AGMO: variants seen among roughly 807,000 people sequenced by gnomAD.
AGMO encodes alkylglycerol monooxygenase.
Under a neutral mutation model 60.2 loss-of-function variants are expected in AGMO, and 75 were observed. The observed-to-expected ratio is 1.25, with a 90% CI of 1.03 to 1.51. AGMO has a LOEUF of 1.51. Among genes scored for constraint, AGMO ranks in the 40% most tolerant of loss-of-function variants. The pLI is 0.00. For missense variants in AGMO, 763 were observed against 525.5 expected (o/e 1.45, Z -4.42); for synonymous variants, 261 against 177.1 (o/e 1.47, Z -3.76).
intron 3 of AGMO, among the ~76,000 whole-genome samples, chr7:15,434,851 C>A (rs1562505661): frequency 6.6e-6 from 1 of 151,654 alleles, no homozygotes; most frequent in East Asian, 1.9e-4. Context: ...CGTCAAAAAT[C>A]CCTCACTCCC....
At chr7:15,538,005 T>G (rs1429746798) in intron 3 of AGMO, among the ~76,000 whole-genome samples, 1 of 152,042 alleles carries the variant, frequency 6.6e-6, no homozygotes, top group Non-Finnish European at 1.5e-5. Flanking sequence ...ATGGTTAACA[T>G]AGGTGCCATA....
chr7:15,559,169 A>T (rs1785234638), intron 2 of AGMO, among the ~76,000 whole-genome samples: 1 of 152,148 alleles, frequency 6.6e-6, no homozygotes, highest in Non-Finnish European at 1.5e-5. Flanking sequence ...TATCATCAAC[A>T]TAATGTTACA....
rs958818476 is a variant in AGMO, at chr7:15,433,365, G to T, written c.410-2257C>A. Among the ~76,000 whole-genome samples the T allele has an allele frequency of 9.0e-4, 137 of 152,144 alleles. 1 individual carries two copies. The highest frequency in any genetic ancestry group is 3.2e-3 in the African/African-American group (135 of 41,546). ...TGTAACACAAGCCTCATTCAATGAG[G>T]TACAGCTGTGCAAACAGGGCACAGT... On this transcript the variant is annotated intron_variant, in intron 3 of 12. Coordinates refer to ENST00000342526, the MANE Select transcript of AGMO (RefSeq NM_001004320.2).
chr7:15,248,112 G>A (rs2128505361), intron 12 of AGMO, among the ~76,000 whole-genome samples: 1 of 138,506 alleles, frequency 7.2e-6, no homozygotes, highest in African/African-American at 2.7e-5. Context: ...AAAATCATTA[G>A]CTGTTGTGGT....
At chr7:15,286,145 C>G (rs1056443012) in intron 12 of AGMO, among the ~76,000 whole-genome samples, 1 of 151,980 alleles carries the variant, frequency 6.6e-6, no homozygotes, top group African/African-American at 2.4e-5. Context: ...TAGAAAAAAG[C>G]TCTTTTGGAC....
At chr7:15,167,451 G>A in the AGMO span, among the ~76,000 whole-genome samples, 7 of 152,254 alleles carry the variant, frequency 4.6e-5, no homozygotes, top group Non-Finnish European at 8.8e-5. Flanking sequence ...TGCAAGAGAC[G>A]CTAAAGAGTA....
intron 12 of AGMO, among the ~76,000 whole-genome samples, chr7:15,335,977 C>T (rs557826468): frequency 1.6e-4 from 25 of 152,228 alleles, no homozygotes; most frequent in Admixed American, 9.8e-4. Flanking sequence ...ATGAGAAACA[C>T]ATCATAGTAA....
chr7:15,397,446 G>GC (rs1333361045), intron 5 of AGMO, among the ~76,000 whole-genome samples: 4 of 152,204 alleles, frequency 2.6e-5, no homozygotes, highest in East Asian at 1.9e-4. Context: ...CCCACAGAGG[G>GC]CCCCCCACAG....
At chr7:15,218,729 G>A (rs1219784013) in intron 12 of AGMO, among the ~76,000 whole-genome samples, 1 of 152,090 alleles carries the variant, frequency 6.6e-6, no homozygotes. Flanking sequence ...TGATATTCCT[G>A]CTGGCCTGAG....
the AGMO span, among the ~76,000 whole-genome samples, chr7:15,172,938 A>T: frequency 3.9e-5 from 6 of 152,144 alleles, no homozygotes; most frequent in Admixed American, 1.3e-4. Context: ...AGGCACAAAT[A>T]ACTTAGTTGG....
chr7:15,289,283 T>TTC (rs35641588), intron 12 of AGMO, among the ~76,000 whole-genome samples: 117,183 of 149,358 alleles, frequency 0.78, 45,371 homozygotes, highest in Middle Eastern at 0.86. Flanking sequence ...AGAATGTTAA[T>TTC]TGTTTCTTTA....
At chr7:15,490,889 G>A (rs1231810403) in intron 3 of AGMO, among the ~76,000 whole-genome samples, 1 of 152,120 alleles carries the variant, frequency 6.6e-6, no homozygotes, top group African/African-American at 2.4e-5. Context: ...GTTATACAAT[G>A]CTTGAAAGCA....
intron 12 of AGMO, among the ~76,000 whole-genome samples, chr7:15,333,995 C>T (rs1781575659): frequency 6.6e-6 from 1 of 151,994 alleles, no homozygotes; most frequent in South Asian, 2.1e-4. Context: ...GTGAAGGAAG[C>T]AATTCAACAA....
At chr7:15,506,422 C>T (rs1262368634) in intron 3 of AGMO, among the ~76,000 whole-genome samples, 1 of 151,926 alleles carries the variant, frequency 6.6e-6, no homozygotes, top group Non-Finnish European at 1.5e-5. Context: ...CAGCACTTGC[C>T]CTCTATGTGT....
chr7:15,203,153 A>AT (rs1378472031), intron 12 of AGMO, among the ~76,000 whole-genome samples: 1 of 152,132 alleles, frequency 6.6e-6, no homozygotes, highest in Non-Finnish European at 1.5e-5. Flanking sequence ...CATAAGTTGT[A>AT]TATAAAGTTT....
chr7:15,280,195 G>A (rs1453808329), intron 12 of AGMO, among the ~76,000 whole-genome samples: 1 of 152,132 alleles, frequency 6.6e-6, no homozygotes, highest in Non-Finnish European at 1.5e-5. Flanking sequence ...AAGGTTTATG[G>A]CCTGGGTCAG....
chr7:15,465,050 A>T (rs975917524), intron 3 of AGMO, among the ~76,000 whole-genome samples: 1 of 152,146 alleles, frequency 6.6e-6, no homozygotes, highest in Non-Finnish European at 1.5e-5. Flanking sequence ...CTTAGGAAGC[A>T]CTATCTTTTA....
At chr7:15,219,894 C>A (rs1191037477) in intron 12 of AGMO, among the ~76,000 whole-genome samples, 1 of 152,208 alleles carries the variant, frequency 6.6e-6, no homozygotes, top group Non-Finnish European at 1.5e-5. Context: ...CCCCTAACAT[C>A]TTTCCAGACA....
In AGMO at chr7:15,490,779, A is replaced by G. The variant is rs76161544; in HGVS notation, c.409+53993T>C. On this transcript the variant is annotated intron_variant, in intron 3 of 12. Coordinates refer to ENST00000342526, the MANE Select transcript of AGMO (RefSeq NM_001004320.2). ...AAAAATATCCCACCATTTCATATAC[A>G]AAGTAAACCTGAGGAGCAAATAGAA... Among the ~76,000 whole-genome samples the G allele has an allele frequency of 2.7e-3, 407 of 152,280 alleles. 15 individuals are homozygous for G. The East Asian group carries it at 0.067, about 25-fold the overall frequency.
Sources: gnomAD v4.1 joint callset for allele counts (sites outside exome capture counted in the v4.1 genomes callset) on GRCh38, gnomAD v4.1.1 for gene constraint, MANE v1.5 for transcripts, NCBI Gene and HGNC (gene_info 2026-07-23, HGNC 2026-07-21) for gene names.